The following COL27A1 variants were observed in gnomAD, a reference collection of about 807,000 sequenced individuals.
COL27A1 encodes collagen alpha-1(XXVII) chain.
In COL27A1, 106 loss-of-function variants were observed where a neutral mutation model predicts 251.3. That is an observed-to-expected ratio of 0.42 (90% confidence interval 0.36 to 0.50). The LOEUF (loss-of-function observed/expected upper bound fraction) is 0.50, where lower values mean the gene tolerates loss of function less well. COL27A1 is among the 20% of genes least tolerant of loss of function. The pLI is 0.00. For synonymous variants in COL27A1, 1,000 were observed against 986.3 expected (o/e 1.01, Z -0.26); for missense variants, 2,325 against 2,522.8 (o/e 0.92, Z 1.68).
intron 3 of COL27A1, among the ~76,000 whole-genome samples, chr9:114,170,081 C>G (rs1173481251): frequency 6.6e-6 from 1 of 152,218 alleles, no homozygotes; most frequent in Non-Finnish European, 1.5e-5. Flanking sequence ...TGAGCCACCC[C>G]GTTAGGACAA....
chr9:114,243,924 C>CTTTTTTT lies in COL27A1; in HGVS notation c.2934+364_2934+365insTTTTTTT, dbSNP rs1564515708. On this transcript the variant is annotated intron_variant, in intron 23 of 60. Coordinates refer to ENST00000356083, the MANE Select transcript of COL27A1 (RefSeq NM_032888.4). ...TTGCACCGTTTCTGTTTTTTTCTTT[C>CTTTTTTT]ATTTTTTTTTTTTTTTTTTTGAGAT... 1.4e-5 allele frequency among the ~76,000 whole-genome samples: 2 copies of CTTTTTTT among 138,082 alleles called. 1 individual carries two copies. Among genetic ancestry groups the CTTTTTTT allele is most frequent in the African/African-American group, 5.6e-5 (2 of 35,938 alleles). 90.6% of individuals were successfully genotyped at this position (138,082 alleles called of 152,430 possible).
At chr9:114,245,148 GTTTTTTTTTTT>G (rs779029948) in intron 23 of COL27A1, among the ~76,000 whole-genome samples, 9 of 101,334 alleles carry the variant, frequency 8.9e-5, no homozygotes, top group South Asian at 6.6e-4. Flanking sequence ...GTGCATTCTT[GTTTTTTTTTTT>G]TTTTTTTTTT....
chr9:114,245,890 C>T lies in COL27A1; in HGVS notation c.2959C>T (p.Pro987Ser). The T allele has an allele frequency of 6.2e-7, 1 of 1,612,968 alleles. No homozygotes were observed. Among genetic ancestry groups the T allele is most frequent in the South Asian group, 1.1e-5 (1 of 90,858 alleles). Residue 987 changes from proline (P) to serine (S), a missense_variant, in exon 24 of 61, where the codon CCG (proline) becomes TCG (serine). Pro to Ser is a moderately conservative substitution (Grantham distance 74). Coordinates refer to ENST00000356083, the MANE Select transcript of COL27A1 (RefSeq NM_032888.4). ...VKGEPGDPGR[P>S]GPVGEQGFMG... is the part of the protein sequence containing the mutation. Reference sequence around the variant, plus strand: ...GGGGGAACCAGGGGATCCTGGTCGGCCGGGGCCTGTGGGAGAGCAGGTTAG... The same window carrying T: ...GGGGGAACCAGGGGATCCTGGTCGGTCGGGGCCTGTGGGAGAGCAGGTTAG...
chr9:114,157,580 C>A (rs895046693), intron 1 of COL27A1, among the ~76,000 whole-genome samples: 1 of 152,254 alleles, frequency 6.6e-6, no homozygotes, highest in African/African-American at 2.4e-5. Flanking sequence ...CTCCCCTGTT[C>A]TTTGTTGGCA....
At chr9:114,170,611 C>T (rs550798167) in intron 3 of COL27A1, among the ~76,000 whole-genome samples, 6 of 152,196 alleles carry the variant, frequency 3.9e-5, no homozygotes, top group Non-Finnish European at 8.8e-5. Flanking sequence ...AATATTTATC[C>T]AGCCTGTCTC....
At chr9:114,237,812 G>A in intron 19 of COL27A1, 97 bp downstream of exon 19, 1 of 956,900 alleles carries the variant, frequency 1.0e-6, no homozygotes, top group Non-Finnish European at 1.7e-6. Context: ...ACTTGCTTTA[G>A]GTCACACAGG....
intron 45 of COL27A1, among the ~76,000 whole-genome samples, chr9:114,289,834 A>G (rs546681442): frequency 1.3e-5 from 2 of 152,150 alleles, no homozygotes; most frequent in East Asian, 1.9e-4. Flanking sequence ...AAAATTGTCA[A>G]TGCCAGTGAG....
chr9:114,264,993 G>A (rs752902407), intron 30 of COL27A1, 25 bp downstream of exon 30: 2 of 1,612,444 alleles, frequency 1.2e-6, no homozygotes, highest in South Asian at 2.2e-5. Context: ...GGCCAAGCAG[G>A]CCAGCTGCAG....
intron 12 of COL27A1, chr9:114,217,825 G>T (rs1233789104): frequency 2.1e-6 from 1 of 470,758 alleles, no homozygotes; most frequent in Non-Finnish European, 4.4e-6. Context: ...CCTTCAGAAG[G>T]TGCCCTGGCT....
At chr9:114,245,418 A>G (rs1833063691) in intron 23 of COL27A1, among the ~76,000 whole-genome samples, 1 of 152,048 alleles carries the variant, frequency 6.6e-6, no homozygotes, top group South Asian at 2.1e-4. Context: ...CGGGTTCCCA[A>G]AGTGCTGGGA....
At chr9:114,281,636 A>G (rs62555440) in intron 37 of COL27A1, among the ~76,000 whole-genome samples, 12,076 of 152,316 alleles carry the variant, frequency 0.079, 611 homozygotes, top group Non-Finnish European at 0.1. Context: ...CTCGCAAGTG[A>G]CGCACAACAT....
At chr9:114,237,273 A>G (rs1214847129) in intron 18 of COL27A1, among the ~76,000 whole-genome samples, 2 of 152,238 alleles carry the variant, frequency 1.3e-5, no homozygotes, top group Non-Finnish European at 2.9e-5. Flanking sequence ...TCTGATGAGG[A>G]TCTGGGGTTC....
rs138913107 is a variant in COL27A1, at chr9:114,245,891, C to T, written c.2960C>T (p.Pro987Leu). The T allele has an allele frequency of 6.5e-5, 105 of 1,613,044 alleles. No individual in the cohort carries two copies. The highest frequency in any genetic ancestry group is 3.2e-4 in the African/African-American group (24 of 74,970). Residue 987 changes from proline (P) to leucine (L), a missense_variant, in exon 24 of 61, where the codon CCG becomes CTG. By Grantham distance (98) the Pro-to-Leu change is moderately conservative. Transcript: ENST00000356083. ...GGGGAACCAGGGGATCCTGGTCGGCCGGGGCCTGTGGGAGAGCAGGTTAGT... is the reference window on the plus strand; with the variant it reads ...GGGGAACCAGGGGATCCTGGTCGGCTGGGGCCTGTGGGAGAGCAGGTTAGT... ...VKGEPGDPGR[P>L]GPVGEQGFMG...
chr9:114,166,335 C>T (rs117825543), intron 2 of COL27A1, among the ~76,000 whole-genome samples: 2,898 of 144,642 alleles, frequency 0.02, 55 homozygotes, highest in South Asian at 0.074. Flanking sequence ...ATCTACTCAT[C>T]TATCCTTTCA....
intron 23 of COL27A1, among the ~76,000 whole-genome samples, chr9:114,243,912 G>A (rs1260945194): frequency 6.8e-6 from 1 of 146,968 alleles, no homozygotes; most frequent in Non-Finnish European, 1.5e-5. Flanking sequence ...CACCGTTTCT[G>A]TTTTTTTCTT....
At chr9:114,239,654 G>T (rs1355744469) in intron 19 of COL27A1, among the ~76,000 whole-genome samples, 1 of 152,228 alleles carries the variant, frequency 6.6e-6, no homozygotes, top group East Asian at 1.9e-4. Flanking sequence ...CATCCCAGGG[G>T]AATGGCCCTC....
intron 11 of COL27A1, among the ~76,000 whole-genome samples, 162 bp downstream of exon 11, chr9:114,209,890 T>C (rs1830227111): frequency 6.6e-6 from 1 of 152,188 alleles, no homozygotes; most frequent in South Asian, 2.1e-4. Flanking sequence ...GGCAGATGCA[T>C]TCCAGGCATA....
chr9:114,300,437 C>T (rs1379121576), intron 50 of COL27A1, 188 bp from the exon 51 acceptor site: 9 of 583,576 alleles, frequency 1.5e-5, no homozygotes, highest in Non-Finnish European at 2.7e-5. Flanking sequence ...CCACACAGCA[C>T]TGAGCCAACA....
intron 24 of COL27A1, among the ~76,000 whole-genome samples, chr9:114,247,070 A>G (rs1056279829): frequency 1.3e-5 from 2 of 152,186 alleles, no homozygotes; most frequent in African/African-American, 2.4e-5. Flanking sequence ...TCCCCTTCTC[A>G]GAATAGAGTT....
Sources: allele counts gnomAD v4.1 joint callset (sites outside exome capture counted in the v4.1 genomes callset), GRCh38; gene constraint gnomAD v4.1.1; transcripts MANE v1.5; gene names NCBI Gene and HGNC (gene_info 2026-07-23, HGNC 2026-07-21).